Variants in SPIDR observed in about 807,000 individuals in gnomAD.
The protein encoded by SPIDR is DNA repair-scaffolding protein.
A neutral mutation model predicts 104.6 loss-of-function variants in SPIDR; 93 were observed. That is an observed-to-expected ratio of 0.89 (90% confidence interval 0.75 to 1.06). The LOEUF is 1.06. SPIDR is among the 50% of genes least tolerant of loss of function. SPIDR has a pLI of 0.00. For synonymous variants in SPIDR, 431 were observed against 416.9 expected, an observed-to-expected ratio of 1.03 and a Z score of -0.41; for missense variants, 1,154 against 1,111.2, an observed-to-expected ratio of 1.04 and a Z score of -0.55.
At chr8:47,525,673 C>T (rs2084866300) in intron 8 of SPIDR, among the ~76,000 whole-genome samples, 1 of 151,820 alleles carries the variant, frequency 6.6e-6, no homozygotes, top group African/African-American at 2.4e-5. Flanking sequence ...TGGTGGCATA[C>T]GCCTTTAGTC....
chr8:47,620,950 C>T (rs1432730704), intron 10 of SPIDR, among the ~76,000 whole-genome samples: 1 of 149,856 alleles, frequency 6.7e-6, no homozygotes, highest in Non-Finnish European at 1.5e-5. Context: ...ATACAATTCT[C>T]ACTGGGTTTT....
At chr8:47,707,315 A>G (rs1589387816) in intron 14 of SPIDR, among the ~76,000 whole-genome samples, 1 of 151,974 alleles carries the variant, frequency 6.6e-6, no homozygotes, top group Admixed American at 6.5e-5. Flanking sequence ...TATTGTCTAG[A>G]GATTCATCCA....
chr8:47,421,572 G>A (rs918516971), intron 7 of SPIDR, among the ~76,000 whole-genome samples: 5 of 152,134 alleles, frequency 3.3e-5, no homozygotes, highest in Non-Finnish European at 7.4e-5. Context: ...GCTTTAGCTC[G>A]GAGTAGTTTG....
rs1414360135 is a variant in SPIDR, at chr8:47,261,486, G to T, written c.33+495G>T. On this transcript the variant is annotated intron_variant, in intron 1 of 19. Transcript: ENST00000297423. The stretch of plus-strand genomic sequence containing the variant: ...GCCTCGGGTTCCAGAACGGGAGCGG[G>T]TGCCTAGGAATCGTTGCTTGAATGG... Among the ~76,000 whole-genome samples, 15 of 152,346 alleles carry T rather than the reference G, an allele frequency of 9.8e-5. No homozygotes were observed. The East Asian group carries it at 2.9e-3, about 29-fold the overall frequency.
intron 5 of SPIDR, among the ~76,000 whole-genome samples, chr8:47,359,094 A>C (rs1375998614): frequency 2.0e-5 from 3 of 150,934 alleles, no homozygotes; most frequent in African/African-American, 7.3e-5. Context: ...AAAATTGTTA[A>C]AAAAAAAAGT....
chr8:47,261,029 C>T (rs532316873), intron 1 of SPIDR, 38 bp downstream of exon 1: 18 of 1,226,026 alleles, frequency 1.5e-5, no homozygotes, highest in South Asian at 4.1e-5. Flanking sequence ...GCGCCGTTTC[C>T]CGCGTTGCGG....
chr8:47,326,944 C>G (rs1201628626), intron 5 of SPIDR, among the ~76,000 whole-genome samples: 4 of 152,112 alleles, frequency 2.6e-5, no homozygotes, highest in Non-Finnish European at 5.9e-5. Flanking sequence ...GTTTTCAGTT[C>G]TCTTGGATAT....
intron 8 of SPIDR, among the ~76,000 whole-genome samples, chr8:47,457,366 G>A (rs542709140): frequency 6.6e-6 from 1 of 152,218 alleles, no homozygotes; most frequent in East Asian, 1.9e-4. Context: ...TGGTGATGTT[G>A]AGCATTTTTT....
intron 7 of SPIDR, among the ~76,000 whole-genome samples, chr8:47,420,670 G>C (rs1554679574): frequency 6.6e-6 from 1 of 152,130 alleles, no homozygotes; most frequent in African/African-American, 2.4e-5. Flanking sequence ...ATGTTACCTG[G>C]TTATTTTGCT....
Position 47,712,883 on chromosome 8 carries a change from G to A in SPIDR, c.2188+11G>A, listed in dbSNP as rs181181699. 9 of 1,613,720 alleles carry A rather than the reference G, an allele frequency of 5.6e-6. No homozygotes were observed. Among genetic ancestry groups the A allele is most frequent in the Middle Eastern group, 1.7e-4 (1 of 5,862 alleles). On this transcript the variant is annotated intron_variant, in intron 15 of 19. Transcript: ENST00000297423. ...CTCTCCGTGACCAGGGTGTGCTTGC[G>A]TCTCCACAGCTTTGATGCAGGGGCG...
chr8:47,616,118 A>G (rs2064278311), intron 10 of SPIDR, among the ~76,000 whole-genome samples: 1 of 152,228 alleles, frequency 6.6e-6, no homozygotes, highest in Admixed American at 6.5e-5. Flanking sequence ...CATCGCGAGT[A>G]AAGACAGTTT....
chr8:47,327,428 T>C (rs1774053940), intron 5 of SPIDR, among the ~76,000 whole-genome samples: 1 of 151,900 alleles, frequency 6.6e-6, no homozygotes. Context: ...GTTTTAATTT[T>C]GTTGCCCAGC....
chr8:47,660,515 G>A (rs1390307272), intron 10 of SPIDR: 3 of 985,440 alleles, frequency 3.0e-6, no homozygotes, highest in Non-Finnish European at 2.4e-6. Context: ...GCTGAAACAG[G>A]TGATTCTGCT....
At chr8:47,548,096 T>C (rs1008212779) in intron 8 of SPIDR, among the ~76,000 whole-genome samples, 1 of 152,184 alleles carries the variant, frequency 6.6e-6, no homozygotes, top group African/African-American at 2.4e-5. Flanking sequence ...CTCATAGATA[T>C]TTTGGAGTGT....
chr8:47,273,699 T>A (rs1490596953), intron 1 of SPIDR, among the ~76,000 whole-genome samples: 4 of 151,980 alleles, frequency 2.6e-5, no homozygotes, highest in African/African-American at 9.7e-5. Flanking sequence ...GCTCAGGTTA[T>A]CCTCCTACCG....
intron 8 of SPIDR, among the ~76,000 whole-genome samples, chr8:47,544,123 G>A (rs926281779): frequency 3.3e-5 from 5 of 151,926 alleles, no homozygotes; most frequent in Non-Finnish European, 5.9e-5. Flanking sequence ...GAGGCTTAGG[G>A]TTTTATTTTT....
intron 8 of SPIDR, among the ~76,000 whole-genome samples, chr8:47,470,279 T>C (rs2075500833): frequency 6.6e-6 from 1 of 152,044 alleles, no homozygotes; most frequent in Non-Finnish European, 1.5e-5. Context: ...GTTTTGTTTT[T>C]CGTTTTTGTT....
intron 5 of SPIDR, among the ~76,000 whole-genome samples, chr8:47,329,662 C>T (rs906901695): frequency 2.0e-5 from 3 of 152,056 alleles, no homozygotes; most frequent in Admixed American, 1.3e-4. Flanking sequence ...CCTTTTTATG[C>T]TATTATTGTT....
chr8:47,717,268 C>G (rs1267701321), intron 16 of SPIDR, among the ~76,000 whole-genome samples: 3 of 152,188 alleles, frequency 2.0e-5, no homozygotes, highest in Non-Finnish European at 2.9e-5. Flanking sequence ...GCTACCTGTT[C>G]TTCTCCCACC....
Sources: gnomAD v4.1 joint callset for allele counts (sites outside exome capture counted in the v4.1 genomes callset) on GRCh38, gnomAD v4.1.1 for gene constraint, MANE v1.5 for transcripts, NCBI Gene and HGNC (gene_info 2026-07-23, HGNC 2026-07-21) for gene names.